The following CADM1 variants were observed in gnomAD, a reference collection of about 807,000 sequenced individuals.
CADM1 encodes TSLC-1.
In CADM1, 15 loss-of-function variants were observed where a neutral mutation model predicts 53.1. That is an observed-to-expected ratio of 0.28 (90% CI 0.19 to 0.44). The LOEUF (loss-of-function observed/expected upper bound fraction) is 0.44. CADM1 is among the 20% of genes least tolerant of loss of function. The probability of loss-of-function intolerance (pLI) is 1.00; values close to 1 mark genes in which losing one functional copy is unlikely to be tolerated. For synonymous variants in CADM1, 281 were observed against 243.0 expected (o/e 1.16, Z -1.45); for missense variants, 434 against 611.3 (o/e 0.71, Z 3.06).
At chr11:115,179,666 A>G (rs902089202) in intron 10 of CADM1, among the ~76,000 whole-genome samples, 6 of 152,296 alleles carry the variant, frequency 3.9e-5, no homozygotes, top group Admixed American at 2.6e-4. Flanking sequence ...GTAAAAAACA[A>G]TTATTCTCCC....
intron 8 of CADM1, among the ~76,000 whole-genome samples, chr11:115,208,325 T>A (rs1351152290): frequency 6.6e-6 from 1 of 152,204 alleles, no homozygotes; most frequent in Non-Finnish European, 1.5e-5. Context: ...TGAAGAAAAC[T>A]GAGATTAGAC....
chr11:115,370,570 G>T (rs1294789749), intron 1 of CADM1, among the ~76,000 whole-genome samples: 2 of 152,156 alleles, frequency 1.3e-5, no homozygotes, highest in Non-Finnish European at 2.9e-5. Flanking sequence ...AGAGATGCTG[G>T]CTGTCTATAA....
At chr11:115,373,608 AG>A (rs373431375) in intron 1 of CADM1, among the ~76,000 whole-genome samples, 4,610 of 100,566 alleles carry the variant, frequency 0.046, 109 homozygotes, top group Non-Finnish European at 0.064. Context: ...AAAAAAAAAA[AG>A]AAGAAGAAGA....
rs1370303443 is a variant in CADM1 at position 115,374,885 on chromosome 11, C to T, written c.124+129386G>A. Among the ~76,000 whole-genome samples the T allele has an allele frequency of 3.3e-5, 5 of 151,852 alleles. No individual in the cohort carries two copies. The South Asian group carries it at 6.3e-4, about 19-fold the overall frequency. Reference sequence around the variant, plus strand: ...CGTGCTAATCAAGTAGTTATACTCACGGACTTCATTTGACTCTTGACTCAA... The same window carrying T: ...CGTGCTAATCAAGTAGTTATACTCATGGACTTCATTTGACTCTTGACTCAA... On this transcript the variant is annotated intron_variant, in intron 1 of 11. Coordinates refer to ENST00000331581, the MANE Select transcript of CADM1 (RefSeq NM_001301043.2).
intron 1 of CADM1, among the ~76,000 whole-genome samples, chr11:115,277,329 C>T (rs535631331): frequency 7.9e-5 from 12 of 152,242 alleles, no homozygotes; most frequent in African/African-American, 2.9e-4. Flanking sequence ...GAAATGCATG[C>T]TAAAGAGTAG....
At chr11:115,199,228 A>G (rs1202507537) in intron 8 of CADM1, among the ~76,000 whole-genome samples, 1 of 152,188 alleles carries the variant, frequency 6.6e-6, no homozygotes, top group East Asian at 1.9e-4. Flanking sequence ...GCTTCTAATC[A>G]TATGACATTC....
At chr11:115,485,836 C>T (rs951381452) in intron 1 of CADM1, among the ~76,000 whole-genome samples, 2 of 152,186 alleles carry the variant, frequency 1.3e-5, no homozygotes, top group African/African-American at 2.4e-5. Context: ...GTATCTGCAG[C>T]GCTGCTCTCA....
chr11:115,213,489 G>GAA (rs3839949), intron 7 of CADM1, among the ~76,000 whole-genome samples: 3 of 151,832 alleles, frequency 2.0e-5, no homozygotes, highest in East Asian at 3.9e-4. Context: ...ATTATGCTAG[G>GAA]AAAAAAACCT....
chr11:115,334,845 T>C (rs1439199927), intron 1 of CADM1, among the ~76,000 whole-genome samples: 2 of 152,128 alleles, frequency 1.3e-5, no homozygotes, highest in African/African-American at 4.8e-5. Context: ...AAAAACTAAA[T>C]GTGTTCTTAA....
At chr11:115,471,021 G>C (rs1416478995) in intron 1 of CADM1, among the ~76,000 whole-genome samples, 1 of 152,178 alleles carries the variant, frequency 6.6e-6, no homozygotes, top group African/African-American at 2.4e-5. Context: ...CATCAGAGGA[G>C]AGGGAATTAA....
intron 1 of CADM1, among the ~76,000 whole-genome samples, chr11:115,476,031 AATG>A (rs1449487151): frequency 6.6e-6 from 1 of 152,208 alleles, no homozygotes; most frequent in Middle Eastern, 3.2e-3. Context: ...AACTCAATGA[AATG>A]ATGAATGTAA....
chr11:115,218,142 G>A (rs1349035867), intron 5 of CADM1, 151 bp from the exon 6 acceptor site: 8 of 672,130 alleles, frequency 1.2e-5, no homozygotes, highest in Non-Finnish European at 2.2e-5. Flanking sequence ...TGGTAATCCT[G>A]GCATTTGCTC....
chr11:115,231,820 C>T (rs957743391), intron 3 of CADM1, among the ~76,000 whole-genome samples: 2 of 152,054 alleles, frequency 1.3e-5, no homozygotes, highest in Non-Finnish European at 2.9e-5. Context: ...AACCCCATCT[C>T]TATTAAAAAT....
intron 8 of CADM1, 141 bp downstream of exon 8, chr11:115,209,433 G>C: frequency 8.2e-7 from 1 of 1,214,284 alleles, no homozygotes. Context: ...TAAGAACATA[G>C]TATCTAATGT....
chr11:115,177,047 T>G (rs1478912672), intron 11 of CADM1, among the ~76,000 whole-genome samples: 1 of 152,136 alleles, frequency 6.6e-6, no homozygotes, highest in Non-Finnish European at 1.5e-5. Flanking sequence ...CTCAGCTCAT[T>G]TATTTGAACC....
rs1591570612 is a variant in CADM1 at position 115,171,210 on chromosome 11, G to A, written c.*5264C>T. ...CCAGTTCTTCATGACAAAGGGCTGCGTATTTGGGATCCTGGCAAAAAGGTG... is the reference window on the plus strand; with the variant it reads ...CCAGTTCTTCATGACAAAGGGCTGCATATTTGGGATCCTGGCAAAAAGGTG... On this transcript the variant is annotated 3_prime_UTR_variant, in exon 12 of 12. Coordinates refer to ENST00000331581, the MANE Select transcript of CADM1 (RefSeq NM_001301043.2). 4 of 152,296 alleles carry A rather than the reference G, an allele frequency of 2.6e-5. No individual in the cohort carries two copies. The highest frequency in any genetic ancestry group is 2.1e-4 in the South Asian group (1 of 4,820). 9.4% of individuals were successfully genotyped at this position (152,296 alleles called of 1,614,324 possible).
chr11:115,434,208 C>T (rs912621287), intron 1 of CADM1, among the ~76,000 whole-genome samples: 2 of 152,166 alleles, frequency 1.3e-5, no homozygotes, highest in African/African-American at 2.4e-5. Context: ...TTTTTTATCA[C>T]TCCTCTTTGG....
intron 1 of CADM1, among the ~76,000 whole-genome samples, chr11:115,385,556 T>G (rs552989080): frequency 1.3e-5 from 2 of 152,008 alleles, no homozygotes; most frequent in South Asian, 4.2e-4. Context: ...TATGTTTGCC[T>G]TGGAATGTAT....
At chr11:115,215,435 A>T (rs1479105510) in intron 6 of CADM1, among the ~76,000 whole-genome samples, 1 of 152,132 alleles carries the variant, frequency 6.6e-6, no homozygotes, top group Admixed American at 6.5e-5. Context: ...GTTCCTTGGC[A>T]AATTGCCTTC....
Sources: allele counts gnomAD v4.1 joint callset (sites outside exome capture counted in the v4.1 genomes callset), GRCh38; gene constraint gnomAD v4.1.1; transcripts MANE v1.5; gene names NCBI Gene and HGNC (gene_info 2026-07-23, HGNC 2026-07-21).